Variants in TRIM71 observed in about 807,000 individuals in gnomAD.
TRIM71 encodes the protein tripartite motif containing 71, also known as E3 ubiquitin-protein ligase TRIM71.
A neutral mutation model predicts 61.2 loss-of-function variants in TRIM71; 9 were observed. The observed-to-expected ratio is 0.15, with a 90% CI of 0.09 to 0.26. TRIM71 has a LOEUF of 0.26. Among genes scored for constraint, TRIM71 ranks in the 10% least tolerant of loss-of-function variants. The probability of loss-of-function intolerance (pLI) is 1.00; values close to 1 mark genes in which losing one functional copy is unlikely to be tolerated. For synonymous variants in TRIM71, 645 were observed against 553.2 expected, an observed-to-expected ratio of 1.17 and a Z score of -2.33; for missense variants, 998 against 1,238.7, an observed-to-expected ratio of 0.81 and a Z score of 2.92.
intron 1 of TRIM71, among the ~76,000 whole-genome samples, chr3:32,860,642 C>G (rs1194618368): frequency 1.3e-5 from 2 of 152,144 alleles, no homozygotes. Context: ...CGACTCTTAA[C>G]CTGCCCAGTA....
intron 1 of TRIM71, among the ~76,000 whole-genome samples, chr3:32,862,698 C>T (rs1466005885): frequency 6.6e-6 from 1 of 152,222 alleles, no homozygotes; most frequent in East Asian, 1.9e-4. Flanking sequence ...ATATAATTTA[C>T]ATGGGCAGTG....
intron 1 of TRIM71, among the ~76,000 whole-genome samples, chr3:32,831,891 C>T (rs1200413234): frequency 6.6e-6 from 1 of 152,118 alleles, no homozygotes; most frequent in Non-Finnish European, 1.5e-5. Context: ...TATTTGATGC[C>T]ATGAAATAAC....
intron 1 of TRIM71, among the ~76,000 whole-genome samples, chr3:32,853,585 G>A (rs1363883076): frequency 6.6e-6 from 1 of 152,202 alleles, no homozygotes; most frequent in Non-Finnish European, 1.5e-5. Flanking sequence ...TCTAAAGATT[G>A]TCTTGTAGCT....
intron 1 of TRIM71, among the ~76,000 whole-genome samples, chr3:32,820,914 C>T (rs2125672845): frequency 6.6e-6 from 1 of 152,292 alleles, no homozygotes; most frequent in South Asian, 2.1e-4. Context: ...CAAGATTCTG[C>T]TTGCTCCCTT....
At chr3:32,875,165 T>C (rs1008054368) in intron 2 of TRIM71, among the ~76,000 whole-genome samples, 2 of 152,180 alleles carry the variant, frequency 1.3e-5, no homozygotes, top group Admixed American at 1.3e-4. Context: ...ATTTACTTAT[T>C]TATATGTGAG....
rs1480863603 is a variant in TRIM71 at position 32,821,864 on chromosome 3, C to T, written c.852+2932C>T. On this transcript the variant is annotated intron_variant, in intron 1 of 3. Transcript: ENST00000383763. Reference sequence around the variant, plus strand: ...CCGGAGCCTGCCTCGGCTCTGGGGACGTGGCCTGGCCGGCGGCTGCTCTTC... The same window carrying T: ...CCGGAGCCTGCCTCGGCTCTGGGGATGTGGCCTGGCCGGCGGCTGCTCTTC... 2.0e-5 allele frequency among the ~76,000 whole-genome samples: 3 copies of T among 151,808 alleles called. No homozygotes were observed. In the East Asian group the frequency reaches 5.9e-4, roughly 30 times the overall value.
intron 1 of TRIM71, among the ~76,000 whole-genome samples, chr3:32,863,263 C>T (rs1044452864): frequency 7.8e-6 from 1 of 127,474 alleles, no homozygotes; most frequent in African/African-American, 3.1e-5. Context: ...AGGCTGACTG[C>T]GGTGGTGCAT....
chr3:32,819,529 T>C (rs1483712478), intron 1 of TRIM71, among the ~76,000 whole-genome samples: 1 of 152,164 alleles, frequency 6.6e-6, no homozygotes, highest in East Asian at 1.9e-4. Flanking sequence ...TTATGTTGGG[T>C]AAGAGTGGGA....
At chr3:32,870,848 G>A (rs553640722) in intron 1 of TRIM71, among the ~76,000 whole-genome samples, 28 of 152,212 alleles carry the variant, frequency 1.8e-4, no homozygotes, top group African/African-American at 5.5e-4. Context: ...CTCTTAGCCC[G>A]TGTTGCCTAG....
In TRIM71 at chr3:32,886,575, A is replaced by G. The variant is rs1575360623; in HGVS notation, c.1155+507A>G. Among the ~76,000 whole-genome samples, 4 of 152,208 alleles carry G rather than the reference A, an allele frequency of 2.6e-5. No homozygotes were observed. In the South Asian group the frequency reaches 8.3e-4, roughly 32 times the overall value. On this transcript the variant is annotated intron_variant, in intron 3 of 3. Transcript: ENST00000383763. ...ATCAGCTAGAAAGACTACTTGCCCC[A>G]CCCAAGCCAGCATTCCAACTGTTCC...
At chr3:32,851,300 T>C (rs1199722988) in intron 1 of TRIM71, among the ~76,000 whole-genome samples, 2 of 152,192 alleles carry the variant, frequency 1.3e-5, no homozygotes, top group Non-Finnish European at 2.9e-5. Context: ...TAGAGTGGAA[T>C]ACAATGAACA....
At chr3:32,888,336 C>A (rs1046619266) in intron 3 of TRIM71, among the ~76,000 whole-genome samples, 1 of 150,218 alleles carries the variant, frequency 6.7e-6, no homozygotes, top group Non-Finnish European at 1.5e-5. Context: ...CAGTGACTCA[C>A]GCCTGTAATG....
intron 2 of TRIM71, among the ~76,000 whole-genome samples, chr3:32,882,651 A>G (rs1027964896): frequency 6.6e-6 from 1 of 152,220 alleles, no homozygotes; most frequent in South Asian, 2.1e-4. Flanking sequence ...GACTCAAGCA[A>G]TCCTTCCAGC....
intron 1 of TRIM71, among the ~76,000 whole-genome samples, chr3:32,822,765 T>TAAA (rs1457934909): frequency 6.6e-6 from 1 of 152,194 alleles, no homozygotes; most frequent in African/African-American, 2.4e-5. Flanking sequence ...ATTCTCTTTT[T>TAAA]AAGGGTGTGA....
At chr3:32,861,080 C>T (rs534887255) in intron 1 of TRIM71, among the ~76,000 whole-genome samples, 1 of 151,514 alleles carries the variant, frequency 6.6e-6, no homozygotes, top group Admixed American at 6.6e-5. Flanking sequence ...GAGGCTGAGG[C>T]AGGAGAATCG....
chr3:32,860,307 C>T (rs906027623), intron 1 of TRIM71, among the ~76,000 whole-genome samples: 1 of 151,874 alleles, frequency 6.6e-6, no homozygotes, highest in African/African-American at 2.4e-5. Context: ...TACAGGCGCC[C>T]ACCACCACGC....
chr3:32,818,352 G>A lies in TRIM71; in HGVS notation c.272G>A (p.Cys91Tyr). 1 of 1,476,282 alleles carries A rather than the reference G, an allele frequency of 6.8e-7. No homozygotes were observed. Among genetic ancestry groups the A allele is most frequent in the Non-Finnish European group, 8.9e-7 (1 of 1,118,820 alleles). The allele number at this position is 1,476,282 out of a possible 1,614,324, so 91.4% of individuals were successfully genotyped here. ...GAAGEPLKLRCPVCDQKVVLA... is the reference protein window; with the variant it reads ...GAAGEPLKLRYPVCDQKVVLA... ...GCGGGAGAGCCGCTCAAGCTGCGCT[G>A]CCCCGTGTGCGACCAGAAAGTAGTG... The change falls in exon 1 of 4, where the codon TGC becomes TAC. Residue 91 changes from cysteine to tyrosine, a missense_variant. Coordinates refer to ENST00000383763, the MANE Select transcript of TRIM71 (RefSeq NM_001039111.3).
intron 1 of TRIM71, among the ~76,000 whole-genome samples, chr3:32,838,458 A>G (rs927505800): frequency 2.0e-5 from 3 of 150,876 alleles, no homozygotes; most frequent in Admixed American, 6.6e-5. Context: ...TCCTGACTCA[A>G]GTGATCCACC....
At chr3:32,879,112 C>G (rs74404570) in intron 2 of TRIM71, among the ~76,000 whole-genome samples, 3,961 of 152,300 alleles carry the variant, frequency 0.026, 178 homozygotes, top group East Asian at 0.21. Flanking sequence ...CTCATCCTGT[C>G]TTAGCTTCAA....
Sources: gnomAD v4.1 joint callset for allele counts (sites outside exome capture counted in the v4.1 genomes callset) on GRCh38, gnomAD v4.1.1 for gene constraint, MANE v1.5 for transcripts, NCBI Gene and HGNC (gene_info 2026-07-23, HGNC 2026-07-21) for gene names.